The following DNAH6 variants were observed in gnomAD, a reference collection of about 807,000 sequenced individuals.
The protein encoded by DNAH6 is dynein axonemal heavy chain 6.
A neutral mutation model predicts 491.4 loss-of-function variants in DNAH6; 340 were observed. The observed-to-expected ratio is 0.69, with a 90% CI of 0.63 to 0.76. The LOEUF (loss-of-function observed/expected upper bound fraction) is 0.76, where lower values mean the gene tolerates loss of function less well. Among genes scored for constraint, DNAH6 ranks in the 30% least tolerant of loss-of-function variants. The pLI is 0.00. For missense variants in DNAH6, 4,443 were observed against 4,972.2 expected (o/e 0.89, Z 3.20); for synonymous variants, 1,603 against 1,686.1 (o/e 0.95, Z 1.21).
Position 84,557,866 on chromosome 2 carries a change from A to T in DNAH6, c.1734A>T (p.Gly578=). The change falls in exon 11 of 77, where the codon GGA becomes GGT. Residue 578 remains glycine, a synonymous_variant. Transcript: ENST00000389394. ...INNKLEGKTC[G]TGPSLAAVFE... is the part of the protein sequence containing the mutation. ...ACAAACTTGAAGGAAAAACCTGTGG[A>T]ACTGGGCCAAGTTTAGCAGCAGTAT... The T allele has an allele frequency of 6.2e-7, 1 of 1,612,910 alleles. No homozygotes were observed. The highest frequency in any genetic ancestry group is 8.5e-7 in the Non-Finnish European group (1 of 1,179,312).
At position 84,624,572 on chromosome 2, in the gene DNAH6, C is replaced by T; in HGVS notation, c.4305C>T (p.Gly1435=). ...TGGCGCTCTCTCAGTACACTTATGG[C>T]TATGAATATTTGGGTGCATGCCCAA... is the stretch of plus-strand genomic sequence containing the variant. ...ARMALSQYTY[G]YEYLGACPRL... is the part of the protein sequence containing the mutation. The change falls in exon 28 of 77, where the codon GGC becomes GGT. Residue 1435 remains glycine (G), a synonymous_variant. Coordinates refer to ENST00000389394, the MANE Select transcript of DNAH6 (RefSeq NM_001370.2). The T allele has an allele frequency of 1.3e-6, 2 of 1,551,608 alleles. No homozygotes were observed. The highest frequency in any genetic ancestry group is 8.7e-7 in the Non-Finnish European group (1 of 1,146,934).
At chr2:84,772,894 G>A (rs184523405) in intron 64 of DNAH6, among the ~76,000 whole-genome samples, 195 of 151,880 alleles carry the variant, frequency 1.3e-3, no homozygotes, top group Non-Finnish European at 5.5e-4. Flanking sequence ...TTATACGTCA[G>A]GCCACAAAAC....
chr2:84,580,221 G>A (rs769373780), intron 14 of DNAH6, among the ~76,000 whole-genome samples: 1 of 152,102 alleles, frequency 6.6e-6, no homozygotes, highest in African/African-American at 2.4e-5. Context: ...TAAGTGGGGA[G>A]GTGGAGGTGG....
chr2:84,552,948 G>A lies in DNAH6; in HGVS notation c.1516G>A (p.Asp506Asn). 1 of 1,611,710 alleles carries A rather than the reference G, an allele frequency of 6.2e-7. No individual in the cohort carries two copies. Among genetic ancestry groups the A allele is most frequent in the South Asian group, 1.1e-5 (1 of 90,678 alleles). The change falls in exon 10 of 77, where the codon GAT (aspartate) becomes AAT (asparagine). Residue 506 changes from aspartate to asparagine, a missense_variant. Around this residue, in one of 3 missense-constraint regions of DNAH6, gnomAD observed 2,977 missense variants for 3,296.6 expected, o/e 0.90. Transcript: ENST00000389394. Reference sequence around the variant, plus strand: ...CCTTATGGTGGAAAAGCAAGAAGAAGATGAATCTCTCATCCCCATGTTTCT... The same window carrying A: ...CCTTATGGTGGAAAAGCAAGAAGAAAATGAATCTCTCATCCCCATGTTTCT... Reference protein sequence around the residue: ...GTLMVEKQEEDESLIPMFLTE... With the variant: ...GTLMVEKQEENESLIPMFLTE...
chr2:84,488,078 T>C, the DNAH6 span, among the ~76,000 whole-genome samples: 4 of 152,092 alleles, frequency 2.6e-5, no homozygotes, highest in African/African-American at 7.2e-5. Flanking sequence ...TTTTTAGGCA[T>C]TAAAAAAACA....
intron 40 of DNAH6, among the ~76,000 whole-genome samples, chr2:84,674,399 A>G (rs1410067150): frequency 6.6e-6 from 1 of 152,218 alleles, no homozygotes; most frequent in Non-Finnish European, 1.5e-5. Context: ...GTCTATCAAA[A>G]TGAGAGCTTA....
chr2:84,525,676 A>G lies in DNAH6; in HGVS notation c.337A>G (p.Lys113Glu). 1 of 1,550,494 alleles carries G rather than the reference A, an allele frequency of 6.4e-7. No homozygotes were observed. The highest frequency in any genetic ancestry group is 8.7e-7 in the Non-Finnish European group (1 of 1,146,314). Residue 113 changes from lysine to glutamate, a missense_variant, in exon 3 of 77, where the codon AAA becomes GAA. Coordinates refer to ENST00000389394, the MANE Select transcript of DNAH6 (RefSeq NM_001370.2). ...IIKRPVSIAK[K>E]SFATSSTQFL... ...TAAACGTCCAGTAAGCATAGCAAAA[A>G]AAAGTTTTGCCACATCATCTACTCA...
intron 72 of DNAH6, among the ~76,000 whole-genome samples, chr2:84,811,012 G>T (rs79217718): frequency 0.032 from 4,814 of 152,226 alleles, 280 homozygotes; most frequent in African/African-American, 0.11. Flanking sequence ...CCTATTTCCA[G>T]GTCTATCATG....
intron 16 of DNAH6, among the ~76,000 whole-genome samples, chr2:84,591,949 T>C (rs1319663903): frequency 1.3e-5 from 2 of 152,136 alleles, no homozygotes; most frequent in Non-Finnish European, 2.9e-5. Context: ...TCAAAATGAA[T>C]GGGTTAAAGA....
chr2:84,664,075 C>G (rs985416654), intron 37 of DNAH6, among the ~76,000 whole-genome samples: 1 of 152,152 alleles, frequency 6.6e-6, no homozygotes, highest in African/African-American at 2.4e-5. Flanking sequence ...ACCAGGCCAG[C>G]CTTGCAAGAG....
intron 70 of DNAH6, 157 bp downstream of exon 70, chr2:84,797,815 C>A: frequency 1.4e-6 from 1 of 712,780 alleles, no homozygotes; most frequent in Non-Finnish European, 2.3e-6. Flanking sequence ...TCCAATTTAG[C>A]CTGTTACCTC....
intron 23 of DNAH6, among the ~76,000 whole-genome samples, chr2:84,617,349 A>C (rs1465130497): frequency 6.6e-6 from 1 of 152,144 alleles, no homozygotes; most frequent in African/African-American, 2.4e-5. Flanking sequence ...TTTGTGTTAC[A>C]AACAATCCAG....
intron 35 of DNAH6, among the ~76,000 whole-genome samples, chr2:84,656,597 A>G (rs931994145): frequency 1.3e-5 from 2 of 152,022 alleles, no homozygotes. Flanking sequence ...TGAGGTGCCT[A>G]TTAAGGAAGG....
chr2:84,641,600 G>T (rs921942450), intron 32 of DNAH6, among the ~76,000 whole-genome samples: 4 of 152,188 alleles, frequency 2.6e-5, no homozygotes, highest in African/African-American at 9.6e-5. Flanking sequence ...GGGGAAATAA[G>T]AGCAGGCAAA....
intron 44 of DNAH6, among the ~76,000 whole-genome samples, chr2:84,688,033 G>A (rs186808799): frequency 1.3e-4 from 19 of 151,972 alleles, no homozygotes; most frequent in Non-Finnish European, 2.2e-4. Flanking sequence ...TCAGGAGCTC[G>A]AGATCAGCCT....
At chr2:84,470,094 A>G in the DNAH6 span, among the ~76,000 whole-genome samples, 12 of 152,188 alleles carry the variant, frequency 7.9e-5, no homozygotes, top group African/African-American at 2.9e-4. Context: ...CAGTCGGTGC[A>G]TGCAGATGAT....
intron 19 of DNAH6, 142 bp downstream of exon 19, chr2:84,604,693 C>A: frequency 1.5e-6 from 1 of 660,616 alleles, no homozygotes; most frequent in Non-Finnish European, 2.5e-6. Flanking sequence ...TGTTTCCTTA[C>A]AACAGATATT....
chr2:84,469,649 G>A, the DNAH6 span, among the ~76,000 whole-genome samples: 1 of 152,120 alleles, frequency 6.6e-6, no homozygotes, highest in Non-Finnish European at 1.5e-5. This position sits in a 1 kb window ranked among gnomAD's most constrained non-coding sequence, Gnocchi z 4.0. Flanking sequence ...AAGTACAGTT[G>A]GCCGCTTGTC....
Position 84,682,153 on chromosome 2 carries a change from G to T in DNAH6, c.6916+625G>T, listed in dbSNP as rs138093772. 3.5e-3 allele frequency among the ~76,000 whole-genome samples: 532 copies of T among 152,256 alleles called. 4 individuals carry two copies. Among genetic ancestry groups the T allele is most frequent in the African/African-American group, 0.012 (512 of 41,554 alleles). ...CCTTTACTATACGTCAATCAAAGTT[G>T]TGATACCCAACACTGTGCTCAACTG... On this transcript the variant is annotated intron_variant, in intron 42 of 76. Coordinates refer to ENST00000389394, the MANE Select transcript of DNAH6 (RefSeq NM_001370.2).
Sources: allele counts gnomAD v4.1 joint callset (sites outside exome capture counted in the v4.1 genomes callset), GRCh38; gene constraint gnomAD v4.1.1; regional missense constraint gnomAD v4.1.1; non-coding constraint Gnocchi (gnomAD v3.1); transcripts MANE v1.5; gene names NCBI Gene and HGNC (gene_info 2026-07-23, HGNC 2026-07-21).